Variants in PPP2R1B observed in about 807,000 individuals in gnomAD.
The protein encoded by PPP2R1B is protein phosphatase 2 scaffold subunit Abeta.
PPP2R1B carries 58 observed loss-of-function variants against 72.7 expected under a neutral mutation model. The observed-to-expected ratio is 0.80, with a 90% CI of 0.65 to 0.99. The LOEUF (loss-of-function observed/expected upper bound fraction) is 0.99, where lower values mean the gene tolerates loss of function less well. PPP2R1B is among the 50% of genes least tolerant of loss of function. The pLI is 0.00. For synonymous variants in PPP2R1B, 256 were observed against 264.6 expected, an observed-to-expected ratio of 0.97 and a Z score of 0.32; for missense variants, 695 against 733.6, an observed-to-expected ratio of 0.95 and a Z score of 0.61.
the PPP2R1B span, among the ~76,000 whole-genome samples, chr11:111,693,776 C>A: frequency 6.6e-6 from 1 of 152,116 alleles, no homozygotes; most frequent in Non-Finnish European, 1.5e-5. Context: ...CCTGAGTTTC[C>A]ATATCTATTA....
Position 111,760,970 on chromosome 11 carries a change from C to T in PPP2R1B, c.388G>A (p.Glu130Lys). 1 of 1,614,228 alleles carries T rather than the reference C, an allele frequency of 6.2e-7. No homozygotes were observed. Among genetic ancestry groups the T allele is most frequent in the Non-Finnish European group, 8.5e-7 (1 of 1,180,046 alleles). The part of the protein sequence containing the change: ...AVESLRQISQ[E>K]HTPVALEAYF... Reference sequence around the variant, plus strand: ...GCTTCCAGAGCAACAGGAGTATGCTCCTGGGAGATCTGTCTCAGGGACTCC... The same window carrying T: ...GCTTCCAGAGCAACAGGAGTATGCTTCTGGGAGATCTGTCTCAGGGACTCC... The change falls in exon 4 of 15, where the codon GAG (glutamate) becomes AAG (lysine). Residue 130 changes from glutamate to lysine, a missense_variant. Glu to Lys is a moderately conservative substitution (Grantham distance 56). Transcript: ENST00000527614.
chr11:111,725,528 A>T (rs1943938064), downstream of PPP2R1B: 1 of 152,654 alleles, frequency 6.6e-6, no homozygotes. Flanking sequence ...GACAGTTAAC[A>T]TCCAGGTGTT....
rs781946223 is a variant in PPP2R1B at position 111,759,931 on chromosome 11, G to A, written c.560C>T (p.Ser187Leu). Residue 187 changes from serine to leucine, a missense_variant, in exon 5 of 15, where the codon TCA becomes TTA. By Grantham distance (145) the Ser-to-Leu change is moderately radical. Transcript: ENST00000527614. ...EIRQQFRSLC[S>L]DDTPMVRRAA... ...ACGTCGTACCATTGGTGTGTCATCT[G>A]AGCACAAGGAACGGAATTGCCTGCA... 4 of 1,613,958 alleles carry A rather than the reference G, an allele frequency of 2.5e-6. No individual in the cohort carries two copies. The highest frequency in any genetic ancestry group is 2.2e-5 in the South Asian group (2 of 90,996).
chr11:111,743,270 A>G (rs999457136), intron 12 of PPP2R1B, 106 bp downstream of exon 12: 51 of 1,138,878 alleles, frequency 4.5e-5, no homozygotes, highest in Non-Finnish European at 6.2e-5. Flanking sequence ...AATCAATACA[A>G]GACATATATT....
rs1297922716 is a variant in PPP2R1B, at chr11:111,737,881, A to C, written c.*3715T>G. ...CCACAGGAAAGACCTGGCTCCTTTC[A>C]GAACTCATATCAGTTTAAGAGAACA... On this transcript the variant is annotated 3_prime_UTR_variant, in exon 15 of 15. Transcript: ENST00000527614. 3 of 1,175,020 alleles carry C rather than the reference A, an allele frequency of 2.6e-6. No individual in the cohort carries two copies. Among genetic ancestry groups the C allele is most frequent in the Non-Finnish European group, 3.2e-6 (3 of 942,856 alleles). 72.8% of individuals were successfully genotyped at this position (1,175,020 alleles called of 1,614,324 possible).
downstream of PPP2R1B, among the ~76,000 whole-genome samples, chr11:111,735,770 A>C (rs984916645): frequency 4.6e-5 from 7 of 152,146 alleles, no homozygotes; most frequent in Non-Finnish European, 1.0e-4. Flanking sequence ...CAGCGCGCTC[A>C]CGCTCACCCC....
the PPP2R1B span, among the ~76,000 whole-genome samples, chr11:111,713,836 G>A: frequency 5.3e-5 from 8 of 151,996 alleles, no homozygotes; most frequent in South Asian, 2.1e-4. Context: ...GGGAGGTTGC[G>A]GGCGCCTGTA....
Position 111,738,615 on chromosome 11 carries a change from A to G in PPP2R1B, c.*2981T>C, listed in dbSNP as rs1471600511. 2 of 985,358 alleles carry G rather than the reference A, an allele frequency of 2.0e-6. No individual in the cohort carries two copies. The highest frequency in any genetic ancestry group is 2.4e-6 in the Non-Finnish European group (2 of 829,944). The allele number at this position is 985,358 out of a possible 1,614,324, so 61.0% of individuals were successfully genotyped here. A position where few individuals can be genotyped will look rare whatever the true frequency, so the allele number is the denominator to read the frequency against. On this transcript the variant is annotated 3_prime_UTR_variant, in exon 15 of 15. Transcript: ENST00000527614. ...CTGGCAAAGACCCCTGGGGCTCTGC[A>G]TCACAGTGGCTGAGCTGTGGTATTT...
At chr11:111,764,681 A>G (rs1945452679) in intron 3 of PPP2R1B, 124 bp downstream of exon 3, 1 of 948,694 alleles carries the variant, frequency 1.1e-6, no homozygotes, top group Admixed American at 2.4e-5. Context: ...AATGACTAAC[A>G]TTATGACTAT....
intron 10 of PPP2R1B, among the ~76,000 whole-genome samples, chr11:111,748,483 T>C (rs1161144839): frequency 6.6e-6 from 1 of 152,178 alleles, no homozygotes; most frequent in Non-Finnish European, 1.5e-5. Context: ...AAAGAGAGTA[T>C]TTTCGAGACA....
At chr11:111,730,564 A>G (rs1378526021) in intron 15 of PPP2R1B, 1 of 152,188 alleles carries the variant, frequency 6.6e-6, no homozygotes, top group African/African-American at 2.4e-5. Flanking sequence ...TGATAAAGTT[A>G]ATCTAACTGT....
the PPP2R1B span, chr11:111,701,600 T>C: frequency 6.2e-7 from 1 of 1,612,496 alleles, no homozygotes; most frequent in East Asian, 2.2e-5. The surrounding 1 kb of genome is among the most constrained non-coding windows in gnomAD (Gnocchi z 4.2). Context: ...ATCTTATTAA[T>C]GGTGTTTTAC....
downstream of PPP2R1B, among the ~76,000 whole-genome samples, chr11:111,722,190 G>A (rs1237693782): frequency 6.6e-6 from 1 of 152,170 alleles, no homozygotes; most frequent in Admixed American, 6.5e-5. This position sits in a 1 kb window ranked among gnomAD's most constrained non-coding sequence, Gnocchi z 4.4. Context: ...GGTGGGAACG[G>A]GAGACCTGGC....
intron 8 of PPP2R1B, 113 bp downstream of exon 8, chr11:111,754,386 C>T: frequency 7.3e-7 from 1 of 1,376,686 alleles, no homozygotes; most frequent in Non-Finnish European, 9.7e-7. Context: ...CCCATTCATT[C>T]CCTGTCAACC....
chr11:111,730,513 TG>T, intron 15 of PPP2R1B: 1 of 151,988 alleles, frequency 6.6e-6, no homozygotes, highest in Non-Finnish European at 1.5e-5. Flanking sequence ...TGAAGGGAGG[TG>T]GGTGGTTTTG....
chr11:111,727,546 T>G, intron 15 of PPP2R1B: 1 of 164,180 alleles, frequency 6.1e-6, no homozygotes, highest in African/African-American at 2.4e-5. Context: ...TGTAGGAGTA[T>G]CGGCCTCTCC....
At chr11:111,754,107 G>C (rs1383955267) in intron 8 of PPP2R1B, among the ~76,000 whole-genome samples, 3 of 151,588 alleles carry the variant, frequency 2.0e-5, no homozygotes, top group Non-Finnish European at 4.4e-5. Context: ...TGTAGCAATG[G>C]GGTCTCACTA....
chr11:111,710,484 T>C, the PPP2R1B span, among the ~76,000 whole-genome samples: 3 of 152,216 alleles, frequency 2.0e-5, no homozygotes, highest in Non-Finnish European at 4.4e-5. Context: ...TATTCAAATA[T>C]AAAATATATT....
chr11:111,733,494 A>G (rs1225707250), downstream of PPP2R1B, among the ~76,000 whole-genome samples: 1 of 152,174 alleles, frequency 6.6e-6, no homozygotes, highest in Non-Finnish European at 1.5e-5. Context: ...CTCTCTCCTC[A>G]GGTCGGCTGG....
Sources: gnomAD v4.1 joint callset for allele counts (sites outside exome capture counted in the v4.1 genomes callset) on GRCh38, gnomAD v4.1.1 for gene constraint, Gnocchi (gnomAD v3.1) non-coding constraint, MANE v1.5 for transcripts, NCBI Gene and HGNC (gene_info 2026-07-23, HGNC 2026-07-21) for gene names.